POLDIP2: variants seen among roughly 807,000 people sequenced by gnomAD.
POLDIP2 encodes the protein DNA polymerase delta interacting protein 2.
A neutral mutation model predicts 52.9 loss-of-function variants in POLDIP2; 32 were observed. The observed-to-expected ratio is 0.61, with a 90% CI of 0.46 to 0.81. The LOEUF is 0.81. POLDIP2 is among the 40% of genes least tolerant of loss of function. POLDIP2 has a pLI of 0.00. For synonymous variants in POLDIP2, 183 were observed against 183.0 expected (o/e 1.00, Z 0.00); for missense variants, 371 against 477.3 (o/e 0.78, Z 2.07).
intron 2 of POLDIP2, among the ~76,000 whole-genome samples, 194 bp from the exon 3 acceptor site, chr17:28,354,779 C>T (rs1305070828): frequency 2.0e-5 from 3 of 152,196 alleles, no homozygotes; most frequent in Non-Finnish European, 2.9e-5. Flanking sequence ...TCTACTCATC[C>T]TTTAGGTAAA....
intron 8 of POLDIP2, 77 bp downstream of exon 8, chr17:28,350,689 A>G: frequency 6.4e-7 from 1 of 1,556,560 alleles, no homozygotes; most frequent in Middle Eastern, 1.7e-4. Flanking sequence ...TCTCGTCAGA[A>G]GGTGGGCTCC....
chr17:28,353,315 G>C lies in POLDIP2; in HGVS notation c.440C>G (p.Ser147Cys). 6.4e-7 allele frequency: 1 copy of C among 1,566,086 alleles called. No individual in the cohort carries two copies. Among genetic ancestry groups the C allele is most frequent in the Non-Finnish European group, 8.8e-7 (1 of 1,140,020 alleles). Reference protein sequence around the residue: ...LIDARDCPHISQRSQTEAVTF... With the variant: ...LIDARDCPHICQRSQTEAVTF... ...CACAGCTTCTGTCTGAGATCTCTGA[G>C]ACTAAGGCAAGAAGTGAATCAGTGG... The change falls in exon 5 of 11, where the codon TCT becomes TGT. Residue 147 changes from serine (S) to cysteine (C), a missense_variant and splice_region_variant. By Grantham distance (112) the Ser-to-Cys change is moderately radical. Coordinates refer to ENST00000540200, the MANE Select transcript of POLDIP2 (RefSeq NM_015584.5).
chr17:28,351,252 G>A lies in POLDIP2; in HGVS notation c.759+412C>T, dbSNP rs78652812. On this transcript the variant is annotated intron_variant, in intron 7 of 10. Coordinates refer to ENST00000540200, the MANE Select transcript of POLDIP2 (RefSeq NM_015584.5). ...GTATCCAAGCATGCACTGACTATACGTACTTTTCTGACCTATAGCTTCTGT... is the reference window on the plus strand; with the variant it reads ...GTATCCAAGCATGCACTGACTATACATACTTTTCTGACCTATAGCTTCTGT... Among the ~76,000 whole-genome samples, 962 of 152,260 alleles carry A rather than the reference G, an allele frequency of 6.3e-3. 13 individuals are homozygous for A. Among genetic ancestry groups the A allele is most frequent in the African/African-American group, 0.022 (918 of 41,548 alleles).
intron 1 of POLDIP2, 63 bp downstream of exon 1, chr17:28,357,225 G>C: frequency 6.8e-7 from 1 of 1,461,606 alleles, no homozygotes. Flanking sequence ...CTCCGCACTG[G>C]CTAGGAACAC....
chr17:28,348,102 G>C lies in POLDIP2; in HGVS notation c.*15C>G, dbSNP rs1555579302. 6.7e-7 allele frequency: 1 copy of C among 1,501,576 alleles called. No homozygotes were observed. 93.0% of individuals were successfully genotyped at this position (1,501,576 alleles called of 1,614,324 possible). A position where few individuals can be genotyped will look rare whatever the true frequency, so the allele number is the denominator to read the frequency against. Reference sequence around the variant, plus strand: ...TCCCGGTGACCAAGCCTGGGCACTTGGGGCCTCAGCTGGCCTACCAGTGAA... The same window carrying C: ...TCCCGGTGACCAAGCCTGGGCACTTCGGGCCTCAGCTGGCCTACCAGTGAA... On this transcript the variant is annotated 3_prime_UTR_variant, in exon 11 of 11. Transcript: ENST00000540200.
intron 9 of POLDIP2, 96 bp downstream of exon 9, chr17:28,350,342 G>C (rs1907748270): frequency 4.7e-6 from 5 of 1,059,888 alleles, no homozygotes; most frequent in Non-Finnish European, 6.5e-6. Context: ...TTCACAAAGT[G>C]AGCCTCTGTC....
chr17:28,348,573 G>A (rs557663459), intron 10 of POLDIP2, among the ~76,000 whole-genome samples: 4 of 152,320 alleles, frequency 2.6e-5, no homozygotes, highest in African/African-American at 4.8e-5. Flanking sequence ...TTAGCCGGGC[G>A]TGGTGGCGCA....
chr17:28,351,819 G>C lies in POLDIP2; in HGVS notation c.623-19C>G. On this transcript the variant is annotated intron_variant, in intron 6 of 10. Transcript: ENST00000540200. ...GGAGGTGCTGGGGCAAGATACAATT[G>C]GTTAGTCCAATTGTGTGTTGTGGAT... The C allele has an allele frequency of 1.9e-6, 3 of 1,610,632 alleles. No homozygotes were observed. Among genetic ancestry groups the C allele is most frequent in the Non-Finnish European group, 2.5e-6 (3 of 1,177,142 alleles).
chr17:28,353,657 G>A, intron 4 of POLDIP2, 38 bp downstream of exon 4: 1 of 1,408,238 alleles, frequency 7.1e-7, no homozygotes. Context: ...GACTTTCCAT[G>A]GAGAGGACCC....
chr17:28,357,218 C>T, intron 1 of POLDIP2, 70 bp downstream of exon 1: 1 of 1,409,598 alleles, frequency 7.1e-7, no homozygotes, highest in Non-Finnish European at 9.4e-7. Context: ...CCCTGGCCTC[C>T]GCACTGGCTA....
intron 4 of POLDIP2, 128 bp from the exon 5 acceptor site, chr17:28,353,444 C>T (rs1175416784): frequency 6.4e-6 from 4 of 622,594 alleles, no homozygotes; most frequent in Admixed American, 2.2e-5. Context: ...ATCACTTGAA[C>T]CCGGGAGGCA....
intron 10 of POLDIP2, among the ~76,000 whole-genome samples, chr17:28,348,689 G>GCTCA (rs1777985084): frequency 1.3e-5 from 2 of 152,326 alleles, no homozygotes; most frequent in South Asian, 2.1e-4. Context: ...TCCAGCCTGG[G>GCTCA]CAATAAGTGA....
At position 28,351,683 on chromosome 17, in the gene POLDIP2, G is replaced by A; in HGVS notation, c.740C>T (p.Pro247Leu). The change falls in exon 7 of 11, where the codon CCC becomes CTC. Residue 247 changes from proline to leucine, a missense_variant. Physicochemically the swap from Pro to Leu is moderately conservative, Grantham distance 98 (BLOSUM62 -3). Transcript: ENST00000540200. Reference protein sequence around the residue: ...TTENIRVTVIPFYMGMREAQN... With the variant: ...TTENIRVTVILFYMGMREAQN... ...ACATACCCTCATGCCCATGTAGAAG[G>A]GGATGACAGTGACACGTATGTTCTC... The A allele has an allele frequency of 6.2e-7, 1 of 1,613,828 alleles. No homozygotes were observed. The highest frequency in any genetic ancestry group is 8.5e-7 in the Non-Finnish European group (1 of 1,179,800).
At chr17:28,351,007 C>T (rs1907776037) in intron 7 of POLDIP2, among the ~76,000 whole-genome samples, 1 of 152,132 alleles carries the variant, frequency 6.6e-6, no homozygotes, top group African/African-American at 2.4e-5. Context: ...ACTCCTCATC[C>T]CTTCAAGATC....
At chr17:28,354,460 T>C in intron 3 of POLDIP2, 28 bp downstream of exon 3, 2 of 1,463,688 alleles carry the variant, frequency 1.4e-6, no homozygotes, top group Non-Finnish European at 1.9e-6. Context: ...CTGAGGATAC[T>C]GTGAGGCACA....
At chr17:28,350,708 C>G (rs1362242063) in intron 8 of POLDIP2, 58 bp downstream of exon 8, 1 of 1,572,694 alleles carries the variant, frequency 6.4e-7, no homozygotes. Flanking sequence ...CCCCCACCTC[C>G]ACCCTGACCC....
At chr17:28,349,432 G>A (rs988153812) in intron 9 of POLDIP2, among the ~76,000 whole-genome samples, 11 of 143,696 alleles carry the variant, frequency 7.7e-5, no homozygotes, top group Middle Eastern at 3.6e-3. Context: ...TCTGCAGCCC[G>A]GGGAACACAG....
At chr17:28,353,212 C>T (rs980684865) in intron 5 of POLDIP2, 29 bp downstream of exon 5, 42 of 1,150,236 alleles carry the variant, frequency 3.7e-5, no homozygotes, top group South Asian at 1.0e-4. Context: ...TCCTTCTTGA[C>T]GGGCACCATT....
chr17:28,351,766 G>T lies in POLDIP2; in HGVS notation c.657C>A (p.Ala219=). Residue 219 remains alanine (A), a synonymous_variant, in exon 7 of 11, where the codon GCC becomes GCA. Coordinates refer to ENST00000540200, the MANE Select transcript of POLDIP2 (RefSeq NM_015584.5). ...GCCAGGGGTGATTCTTCTCTTGCCA[G>T]GCCCTTAGCGTCTCCCGAGCCACAA... ...PPFVARETLR[A]WQEKNHPWLE... The T allele has an allele frequency of 6.2e-7, 1 of 1,613,694 alleles. No individual in the cohort carries two copies. Among genetic ancestry groups the T allele is most frequent in the Non-Finnish European group, 8.5e-7 (1 of 1,179,618 alleles).
Sources: gnomAD v4.1 joint callset for allele counts (sites outside exome capture counted in the v4.1 genomes callset) on GRCh38, gnomAD v4.1.1 for gene constraint, MANE v1.5 for transcripts, NCBI Gene and HGNC (gene_info 2026-07-23, HGNC 2026-07-21) for gene names.